MSH4: variants seen among roughly 807,000 people sequenced by gnomAD.
The protein encoded by MSH4 is mutS protein homolog 4.
MSH4 carries 106 observed loss-of-function variants against 113.7 expected under a neutral mutation model. The ratio of observed to expected loss-of-function variants is 0.93; its 90% CI spans 0.80 to 1.10. MSH4 has a LOEUF of 1.10. MSH4 is among the 50% of genes least tolerant of loss of function. The pLI is 0.00. For synonymous variants in MSH4, 368 were observed against 380.2 expected (o/e 0.97, Z 0.37); for missense variants, 1,061 against 1,093.7 (o/e 0.97, Z 0.42).
intron 8 of MSH4, among the ~76,000 whole-genome samples, chr1:75,852,067 A>G (rs1408965635): frequency 6.6e-6 from 1 of 152,218 alleles, no homozygotes; most frequent in Non-Finnish European, 1.5e-5. Context: ...TTAGACAACC[A>G]GTAATCTATT....
chr1:75,819,328 A>T (rs543933046), intron 6 of MSH4, among the ~76,000 whole-genome samples: 12 of 152,162 alleles, frequency 7.9e-5, no homozygotes, highest in African/African-American at 2.4e-4. Context: ...CCCTGTCTTT[A>T]CCAAAAATAC....
chr1:75,798,746 CAG>C (rs982135363), intron 1 of MSH4, among the ~76,000 whole-genome samples: 8 of 151,490 alleles, frequency 5.3e-5, no homozygotes, highest in African/African-American at 1.5e-4. Flanking sequence ...TTTGTAGAGA[CAG>C]TGTTTTCCTA....
At chr1:75,875,221 G>T (rs1425787072) in intron 9 of MSH4, among the ~76,000 whole-genome samples, 3 of 152,134 alleles carry the variant, frequency 2.0e-5, no homozygotes, top group African/African-American at 7.2e-5. Flanking sequence ...TCAATAATGA[G>T]GCCCCAGCTG....
intron 15 of MSH4, among the ~76,000 whole-genome samples, chr1:75,887,475 G>A (rs998904533): frequency 6.6e-6 from 1 of 152,008 alleles, no homozygotes; most frequent in African/African-American, 2.4e-5. Flanking sequence ...CTAATATTGA[G>A]TGTTCACTAT....
At chr1:75,885,057 G>GTA (rs1440064046) in intron 15 of MSH4, among the ~76,000 whole-genome samples, 4 of 114,526 alleles carry the variant, frequency 3.5e-5, no homozygotes, top group Non-Finnish European at 5.1e-5. Flanking sequence ...GTGTGTGTGT[G>GTA]TGTATATATA....
chr1:75,808,762 C>G (rs1257316018), intron 3 of MSH4, among the ~76,000 whole-genome samples: 3 of 152,036 alleles, frequency 2.0e-5, no homozygotes, highest in African/African-American at 7.2e-5. Flanking sequence ...TATCTTAGAT[C>G]AGTCAGAATT....
At chr1:75,832,188 G>T (rs1011057358) in intron 7 of MSH4, among the ~76,000 whole-genome samples, 4 of 151,948 alleles carry the variant, frequency 2.6e-5, no homozygotes, top group African/African-American at 9.7e-5. Flanking sequence ...AAATCTAGAA[G>T]AAATGGATAA....
At chr1:75,912,387 G>A (rs867700836) in intron 19 of MSH4, among the ~76,000 whole-genome samples, 13 of 151,830 alleles carry the variant, frequency 8.6e-5, no homozygotes, top group Admixed American at 5.3e-4. Context: ...ATTACTTTTC[G>A]GTATTATGTT....
intron 3 of MSH4, among the ~76,000 whole-genome samples, chr1:75,809,525 GA>G (rs1650140497): frequency 6.6e-6 from 1 of 151,836 alleles, no homozygotes; most frequent in Admixed American, 6.6e-5. Context: ...CTTATTTTAT[GA>G]AAAGCTAAGC....
At chr1:75,871,747 A>C (rs1440233103) in intron 9 of MSH4, among the ~76,000 whole-genome samples, 2 of 152,218 alleles carry the variant, frequency 1.3e-5, no homozygotes, top group African/African-American at 4.8e-5. Context: ...TGTCTGAAAG[A>C]ACTTTTCAGA....
Position 75,906,526 on chromosome 1 carries a change from T to TTATATATG in MSH4, c.2620-6163_2620-6162insGTATATAT, listed in dbSNP as rs1652652993. Among the ~76,000 whole-genome samples, 2 of 33,494 alleles carry TTATATATG rather than the reference T, an allele frequency of 6.0e-5. 1 individual carries two copies. Among genetic ancestry groups the TTATATATG allele is most frequent in the Non-Finnish European group, 1.1e-4 (2 of 18,384 alleles). 22.0% of individuals were successfully genotyped at this position (33,494 alleles called of 152,430 possible). On this transcript the variant is annotated intron_variant, in intron 19 of 19. Transcript: ENST00000263187. ...ATATATAATATATAATATGTATATA[T>TTATATATG]TATATATAATATATATAATATATAA... is the stretch of plus-strand genomic sequence containing the variant.
rs1197512782 is a variant in MSH4 at position 75,889,338 on chromosome 1, A to T, written c.2195A>T (p.Asn732Ile). 4.6e-6 allele frequency: 7 copies of T among 1,507,266 alleles called. No homozygotes were observed. Among genetic ancestry groups the T allele is most frequent in the Non-Finnish European group, 6.3e-6 (7 of 1,103,706 alleles). 93.4% of individuals were successfully genotyped at this position (1,507,266 alleles called of 1,614,324 possible). A position where few individuals can be genotyped will look rare whatever the true frequency, so the allele number is the denominator to read the frequency against. ...RISTDDDIET[N>I]SSTFMKEMKE... ...AGTACTGATGATGATATCGAAACAA[A>T]TTCATCAACATTTATGAAAGAAATG... is the stretch of plus-strand genomic sequence containing the variant. The change falls in exon 16 of 20, where the codon AAT (asparagine) becomes ATT (isoleucine). Residue 732 changes from asparagine to isoleucine, a missense_variant. Physicochemically the swap from Asn to Ile is moderately radical, Grantham distance 149 (BLOSUM62 -3). Transcript: ENST00000263187.
chr1:75,866,206 T>A (rs1245282633), intron 8 of MSH4, among the ~76,000 whole-genome samples: 1 of 152,148 alleles, frequency 6.6e-6, no homozygotes, highest in Non-Finnish European at 1.5e-5. Context: ...GGGTTTCACT[T>A]TGTCACCCAG....
At chr1:75,821,223 A>C (rs1308979624) in intron 6 of MSH4, among the ~76,000 whole-genome samples, 1 of 152,104 alleles carries the variant, frequency 6.6e-6, no homozygotes, top group African/African-American at 2.4e-5. Context: ...CCACAGTGCA[A>C]TCAAACTGGA....
chr1:75,868,314 C>T (rs1651633472), intron 9 of MSH4, among the ~76,000 whole-genome samples: 1 of 152,126 alleles, frequency 6.6e-6, no homozygotes, highest in South Asian at 2.1e-4. Context: ...AGTTATTAAT[C>T]TATGGAGAGT....
At position 75,879,081 on chromosome 1, in the gene MSH4, G is replaced by A. The variant is rs773595661; in HGVS notation, c.1630G>A (p.Asp544Asn). The change falls in exon 12 of 20, where the codon GAT becomes AAT. Residue 544 changes from aspartate to asparagine, a missense_variant. Asp to Asn is a conservative substitution (Grantham distance 23, BLOSUM62 1). Coordinates refer to ENST00000263187, the MANE Select transcript of MSH4 (RefSeq NM_002440.4). Reference protein sequence around the residue: ...ARGFFIQMTTDCIALPSDQLP... With the variant: ...ARGFFIQMTTNCIALPSDQLP... ...AGGATTTTTCATCCAGATGACTACA[G>A]ATTGTATAGCCCTACCTAGTGATCA... 1 of 1,611,850 alleles carries A rather than the reference G, an allele frequency of 6.2e-7. No individual in the cohort carries two copies. Among genetic ancestry groups the A allele is most frequent in the Non-Finnish European group, 8.5e-7 (1 of 1,178,182 alleles).
chr1:75,837,683 C>T (rs542297298), intron 7 of MSH4, among the ~76,000 whole-genome samples: 14 of 152,230 alleles, frequency 9.2e-5, no homozygotes, highest in Non-Finnish European at 1.6e-4. Context: ...CCACTGTGCC[C>T]GGCCGCCATC....
In MSH4 at chr1:75,899,614, C is replaced by A. The variant is rs746987002; in HGVS notation, c.2531-4C>A. ...GAAGCCAAATTTAAAACAAATAATT[C>A]TAGGATTAAAAGCTGCAGAGGTGTC... On this transcript the variant is annotated splice_region_variant and splice_polypyrimidine_tract_variant and intron_variant, in intron 18 of 19. Coordinates refer to ENST00000263187, the MANE Select transcript of MSH4 (RefSeq NM_002440.4). 1 of 1,475,724 alleles carries A rather than the reference C, an allele frequency of 6.8e-7. No individual in the cohort carries two copies. Among genetic ancestry groups the A allele is most frequent in the South Asian group, 1.5e-5 (1 of 68,526 alleles). 91.4% of individuals were successfully genotyped at this position (1,475,724 alleles called of 1,614,324 possible). A position where few individuals can be genotyped will look rare whatever the true frequency, so the allele number is the denominator to read the frequency against.
At chr1:75,910,859 T>G (rs975491123) in intron 19 of MSH4, among the ~76,000 whole-genome samples, 2 of 152,162 alleles carry the variant, frequency 1.3e-5, no homozygotes, top group Admixed American at 1.3e-4. Context: ...TATGGATCAT[T>G]CCTCTTAATC....
Sources: gnomAD v4.1 joint callset for allele counts (sites outside exome capture counted in the v4.1 genomes callset) on GRCh38, gnomAD v4.1.1 for gene constraint, MANE v1.5 for transcripts, NCBI Gene and HGNC (gene_info 2026-07-23, HGNC 2026-07-21) for gene names.